GET1: variants seen among roughly 807,000 people sequenced by gnomAD.
GET1 encodes the protein guided entry of tail-anchored proteins factor 1.
In GET1, 20 loss-of-function variants were observed where a neutral mutation model predicts 22.6. The observed-to-expected ratio is 0.89, with a 90% CI of 0.62 to 1.29. GET1 has a LOEUF of 1.29. GET1 is among the 50% of genes most tolerant of loss of function. GET1 has a pLI of 0.00. For missense variants in GET1, 209 were observed against 219.9 expected (o/e 0.95, Z 0.31); for synonymous variants, 92 against 83.8 (o/e 1.10, Z -0.53).
chr21:39,383,321 G>T (rs1387848333), intron 1 of GET1, among the ~76,000 whole-genome samples: 1 of 149,934 alleles, frequency 6.7e-6, no homozygotes, highest in African/African-American at 2.5e-5. Flanking sequence ...TGCTCTTGTT[G>T]CCCAGGCTGG....
intron 1 of GET1, among the ~76,000 whole-genome samples, chr21:39,389,600 C>CG (rs1414633601): frequency 6.6e-6 from 1 of 152,174 alleles, no homozygotes; most frequent in Non-Finnish European, 1.5e-5. Flanking sequence ...ACCTGGGCTC[C>CG]GACCCTGGCA....
intron 4 of GET1, among the ~76,000 whole-genome samples, chr21:39,394,123 A>G (rs1330973027): frequency 1.3e-5 from 2 of 151,748 alleles, no homozygotes; most frequent in African/African-American, 2.4e-5. Flanking sequence ...TGAGCTCAGG[A>G]GTTTGAGACC....
chr21:39,402,356 C>T (rs370398041), downstream of GET1, among the ~76,000 whole-genome samples: 1 of 152,178 alleles, frequency 6.6e-6, no homozygotes, highest in African/African-American at 2.4e-5. Flanking sequence ...CTGCCTGCCT[C>T]GGCCTCCCAA....
At chr21:39,398,591 G>A (rs2038758645), downstream of GET1, among the ~76,000 whole-genome samples, 1 of 146,734 alleles carries the variant, frequency 6.8e-6, no homozygotes, top group East Asian at 2.0e-4. Context: ...ACATTATTGT[G>A]TTTTTTTAGA....
At chr21:39,423,220 T>C in intron 1 of GET1, 1 of 1,611,686 alleles carries the variant, frequency 6.2e-7, no homozygotes. Flanking sequence ...AGCCATAATT[T>C]GAGGTAGATT....
intron 3 of GET1, chr21:39,392,870 G>A (rs1424264697): frequency 6.3e-6 from 2 of 318,088 alleles, no homozygotes; most frequent in Non-Finnish European, 5.8e-6. Context: ...TGTAGATTGT[G>A]TTCATCCTAA....
chr21:39,395,915 T>C (rs1486487893), intron 4 of GET1, among the ~76,000 whole-genome samples: 3 of 152,208 alleles, frequency 2.0e-5, no homozygotes, highest in Non-Finnish European at 4.4e-5. Context: ...TAGGTAGACA[T>C]TGCTTTGTTT....
At chr21:39,420,684 C>G (rs1601814729) in intron 1 of GET1, 1 of 1,592,758 alleles carries the variant, frequency 6.3e-7, no homozygotes, top group South Asian at 1.1e-5. Context: ...TTCATTCTTA[C>G]ATTTTGTTTT....
chr21:39,427,034 G>A (rs1001226475), intron 1 of GET1, among the ~76,000 whole-genome samples: 1 of 152,224 alleles, frequency 6.6e-6, no homozygotes, highest in African/African-American at 2.4e-5. Flanking sequence ...GGGAACTGAA[G>A]ATTCTGGGTG....
chr21:39,381,882 C>T (rs1484381339), intron 1 of GET1, among the ~76,000 whole-genome samples: 9 of 151,774 alleles, frequency 5.9e-5, no homozygotes, highest in Non-Finnish European at 1.5e-5. Context: ...GGACCACAGG[C>T]ATGCACCACC....
chr21:39,386,167 C>T (rs2037885673), intron 1 of GET1: 2 of 152,272 alleles, frequency 1.3e-5, no homozygotes, highest in African/African-American at 4.8e-5. Flanking sequence ...TAAAGAGTGG[C>T]CACCTCCTTT....
At chr21:39,408,088 T>C (rs1473332721), downstream of GET1, among the ~76,000 whole-genome samples, 2 of 152,376 alleles carry the variant, frequency 1.3e-5, no homozygotes, top group East Asian at 1.9e-4. Flanking sequence ...TCATTCATCA[T>C]GCATGTACTT....
intron 4 of GET1, among the ~76,000 whole-genome samples, chr21:39,405,503 G>GT (rs2038992736): frequency 6.6e-6 from 1 of 152,098 alleles, no homozygotes; most frequent in South Asian, 2.1e-4. Flanking sequence ...CTGCTTCCAT[G>GT]TTTTTAAGTT....
chr21:39,390,733 G>A lies in GET1; in HGVS notation c.138G>A (p.Glu46=). ...SRVLQKDAEQ[E]SQMRAEIQDM... ...TGCTGCAGAAGGACGCGGAGCAGGAGTCACAGATGAGAGCGGAGATCCAGG... is the reference window on the plus strand; with the variant it reads ...TGCTGCAGAAGGACGCGGAGCAGGAATCACAGATGAGAGCGGAGATCCAGG... The change falls in exon 2 of 5, where the codon GAG becomes GAA. Residue 46 remains glutamate, a synonymous_variant. Transcript: ENST00000649170. 6.2e-7 allele frequency: 1 copy of A among 1,614,196 alleles called. No homozygotes were observed. The highest frequency in any genetic ancestry group is 8.5e-7 in the Non-Finnish European group (1 of 1,180,032).
intron 1 of GET1, chr21:39,420,613 A>G: frequency 8.7e-7 from 1 of 1,151,122 alleles, no homozygotes; most frequent in Non-Finnish European, 1.2e-6. Flanking sequence ...TGTATGTAAA[A>G]TAAAAAATCA....
chr21:39,426,645 T>C (rs1279015827), intron 1 of GET1, among the ~76,000 whole-genome samples: 2 of 152,270 alleles, frequency 1.3e-5, no homozygotes, highest in African/African-American at 2.4e-5. Context: ...ATCTGCTTCA[T>C]ATTAGTTCAA....
At chr21:39,393,933 A>G (rs1307112265) in intron 4 of GET1, among the ~76,000 whole-genome samples, 1 of 152,072 alleles carries the variant, frequency 6.6e-6, no homozygotes, top group Non-Finnish European at 1.5e-5. Context: ...TACAGGCATG[A>G]ACCACTATGC....
At chr21:39,416,256 G>A (rs183789059) in intron 1 of GET1, among the ~76,000 whole-genome samples, 134 of 152,250 alleles carry the variant, frequency 8.8e-4, no homozygotes, top group Non-Finnish European at 1.6e-3. Flanking sequence ...GTGACTCATC[G>A]CTGAGGTGTT....
Position 39,390,874 on chromosome 21 carries a change from C to T in GET1, c.268+11C>T. On this transcript the variant is annotated intron_variant, in intron 2 of 4. Coordinates refer to ENST00000649170, the MANE Select transcript of GET1 (RefSeq NM_004627.6). ...AGCTCAAAACCCATGGTACTGTGTC[C>T]CTTGCAGCCTGGAGGCTTCATGAGA... The T allele has an allele frequency of 6.2e-7, 1 of 1,613,626 alleles. No individual in the cohort carries two copies. Among genetic ancestry groups the T allele is most frequent in the East Asian group, 2.2e-5 (1 of 44,876 alleles).
Sources: gnomAD v4.1 joint callset for allele counts (sites outside exome capture counted in the v4.1 genomes callset) on GRCh38, gnomAD v4.1.1 for gene constraint, MANE v1.5 for transcripts, NCBI Gene and HGNC (gene_info 2026-07-23, HGNC 2026-07-21) for gene names.